Variants in FSTL4 observed in about 807,000 individuals in gnomAD.
FSTL4 encodes the protein follistatin like 4, also known as follistatin-related protein 4.
A neutral mutation model predicts 78.2 loss-of-function variants in FSTL4; 28 were observed. That is an observed-to-expected ratio of 0.36 (90% CI 0.27 to 0.49). The LOEUF is 0.49. Among genes scored for constraint, FSTL4 ranks in the 20% least tolerant of loss-of-function variants. The probability of loss-of-function intolerance (pLI) is 0.98; values close to 1 mark genes in which losing one functional copy is unlikely to be tolerated. For missense variants in FSTL4, 922 were observed against 1,084.9 expected (o/e 0.85, Z 2.11); for synonymous variants, 422 against 440.5 (o/e 0.96, Z 0.53).
At chr5:133,695,035 C>A in the FSTL4 span, among the ~76,000 whole-genome samples, 1 of 152,128 alleles carries the variant, frequency 6.6e-6, no homozygotes, top group African/African-American at 2.4e-5. Context: ...TGTGTTGTGG[C>A]ATCAGATGAG....
At chr5:133,415,421 T>G (rs926163813) in intron 3 of FSTL4, among the ~76,000 whole-genome samples, 1 of 152,268 alleles carries the variant, frequency 6.6e-6, no homozygotes, top group Non-Finnish European at 1.5e-5. Context: ...AATATTCTTC[T>G]GAGCAGGTCA....
chr5:133,250,952 A>G (rs749932225), intron 6 of FSTL4, among the ~76,000 whole-genome samples: 2 of 152,230 alleles, frequency 1.3e-5, no homozygotes, highest in Non-Finnish European at 2.9e-5. Flanking sequence ...TGGGGAGGGG[A>G]CAATCACACA....
At chr5:133,348,770 GA>G (rs1449441839) in intron 4 of FSTL4, among the ~76,000 whole-genome samples, 1 of 152,200 alleles carries the variant, frequency 6.6e-6, no homozygotes, top group African/African-American at 2.4e-5. Flanking sequence ...TTCCTCATCT[GA>G]AAAATGGGGA....
intron 6 of FSTL4, among the ~76,000 whole-genome samples, chr5:133,277,647 C>A (rs904598476): frequency 2.0e-5 from 3 of 152,200 alleles, no homozygotes; most frequent in Non-Finnish European, 2.9e-5. Context: ...CTGGGAGGAG[C>A]CTGCAGGAAG....
At chr5:133,378,566 C>T (rs887710430) in intron 4 of FSTL4, among the ~76,000 whole-genome samples, 7 of 152,080 alleles carry the variant, frequency 4.6e-5, no homozygotes, top group African/African-American at 1.2e-4. Flanking sequence ...AAATTTAAAA[C>T]ATGTATTATT....
intron 6 of FSTL4, among the ~76,000 whole-genome samples, chr5:133,311,611 C>T (rs1753786896): frequency 6.6e-6 from 1 of 152,182 alleles, no homozygotes; most frequent in Admixed American, 6.5e-5. Flanking sequence ...AGCAACAGCC[C>T]AAAGAGATGT....
Position 133,236,292 on chromosome 5 carries a change from C to A in FSTL4, c.895-2755G>T, listed in dbSNP as rs932510827. On this transcript the variant is annotated intron_variant, in intron 7 of 15. Coordinates refer to ENST00000265342, the MANE Select transcript of FSTL4 (RefSeq NM_015082.2). The surrounding 1 kb of genome is among the most constrained non-coding windows in gnomAD (Gnocchi z 5.0). ...TGAGATGGGCCCTGGGCTCTGAGGG[C>A]TGTCCCAAGGCCACTGTTCCCAGAT... 1.3e-5 allele frequency among the ~76,000 whole-genome samples: 2 copies of A among 151,980 alleles called. No individual in the cohort carries two copies. Among genetic ancestry groups the A allele is most frequent in the Non-Finnish European group, 2.9e-5 (2 of 67,910 alleles).
intron 3 of FSTL4, among the ~76,000 whole-genome samples, chr5:133,490,226 G>A (rs926088033): frequency 1.3e-5 from 2 of 151,864 alleles, no homozygotes; most frequent in African/African-American, 4.8e-5. Flanking sequence ...AGTACTAGTA[G>A]CTGTGTGGTG....
intron 7 of FSTL4, among the ~76,000 whole-genome samples, chr5:133,245,088 C>G (rs1000315726): frequency 6.7e-6 from 1 of 149,664 alleles, no homozygotes; most frequent in African/African-American, 2.5e-5. Context: ...CCACTGTGCT[C>G]CAGTCTGGGT....
intron 2 of FSTL4, among the ~76,000 whole-genome samples, chr5:133,571,068 G>A (rs1013548153): frequency 4.6e-5 from 7 of 151,752 alleles, no homozygotes; most frequent in Admixed American, 2.6e-4. Flanking sequence ...AAGGGCAAAA[G>A]GCTGAGAAAC....
chr5:133,552,986 A>G (rs925816460), intron 3 of FSTL4, among the ~76,000 whole-genome samples: 6 of 152,248 alleles, frequency 3.9e-5, no homozygotes, highest in Non-Finnish European at 2.9e-5. Context: ...TGTAGGGTTC[A>G]GGGCAAGCGA....
the FSTL4 span, among the ~76,000 whole-genome samples, chr5:133,713,601 G>A: frequency 6.6e-6 from 1 of 152,026 alleles, no homozygotes; most frequent in East Asian, 1.9e-4. Context: ...GCTTTTGGAG[G>A]ATCCTTCCAT....
At position 133,611,264 on chromosome 5, in the gene FSTL4, G is replaced by A. The variant is rs1446639192; in HGVS notation, c.-11+1061C>T. ...GCACTCCTAGTGCACTTGCCGCGCC[G>A]CGCGGAGGCTCGCCGCGCTCTGGAA... On this transcript the variant is annotated intron_variant, in intron 1 of 15. Transcript: ENST00000265342. This position sits in a 1 kb window ranked among gnomAD's most constrained non-coding sequence, Gnocchi z 4.9. 6.6e-6 allele frequency among the ~76,000 whole-genome samples: 1 copy of A among 152,108 alleles called. No homozygotes were observed. The highest frequency in any genetic ancestry group is 1.5e-5 in the Non-Finnish European group (1 of 68,012).
In FSTL4 at chr5:133,331,337, G is replaced by A. The variant is rs149668078; in HGVS notation, c.410-14685C>T. The stretch of plus-strand genomic sequence containing the variant: ...TCCTCTGTGTTGATCTTCAGCTTCT[G>A]AGCCAAGCCAAAGAGTCACTGGGTT... On this transcript the variant is annotated intron_variant, in intron 4 of 15. Coordinates refer to ENST00000265342, the MANE Select transcript of FSTL4 (RefSeq NM_015082.2). 1.7e-4 allele frequency among the ~76,000 whole-genome samples: 26 copies of A among 152,138 alleles called. No individual in the cohort carries two copies. The East Asian group carries it at 4.6e-3, about 27-fold the overall frequency.
the FSTL4 span, among the ~76,000 whole-genome samples, chr5:133,838,612 C>T: frequency 1.3e-5 from 2 of 151,968 alleles, no homozygotes; most frequent in Non-Finnish European, 2.9e-5. Context: ...TCCAGTGTCT[C>T]TAACTATCTT....
intron 3 of FSTL4, among the ~76,000 whole-genome samples, chr5:133,451,402 A>AC (rs971013222): frequency 1.3e-5 from 2 of 152,042 alleles, no homozygotes; most frequent in African/African-American, 4.8e-5. Flanking sequence ...CTCTACTAAA[A>AC]AAAAAAAAAT....
Position 133,400,725 on chromosome 5 carries a change from G to C in FSTL4, c.409+13C>G, listed in dbSNP as rs1198426096. 1 of 1,612,086 alleles carries C rather than the reference G, an allele frequency of 6.2e-7. No individual in the cohort carries two copies. Among genetic ancestry groups the C allele is most frequent in the Admixed American group, 1.7e-5 (1 of 60,008 alleles). On this transcript the variant is annotated intron_variant, in intron 4 of 15. Transcript: ENST00000265342. ...CAAAACCCAAAACCACAGGGCAAGG[G>C]CCCTGTTCCTACCTTTGAGGAAACA...
At chr5:133,541,927 G>C (rs867922363) in intron 3 of FSTL4, among the ~76,000 whole-genome samples, 4 of 148,232 alleles carry the variant, frequency 2.7e-5, no homozygotes, top group Non-Finnish European at 6.0e-5. Context: ...GAATGTTACA[G>C]ACACACACAC....
At chr5:133,699,455 T>C in the FSTL4 span, among the ~76,000 whole-genome samples, 1 of 151,956 alleles carries the variant, frequency 6.6e-6, no homozygotes, top group Non-Finnish European at 1.5e-5. Context: ...CAGCTAACCC[T>C]CACAACTGCT....
Sources: allele counts gnomAD v4.1 joint callset (sites outside exome capture counted in the v4.1 genomes callset), GRCh38; gene constraint gnomAD v4.1.1; non-coding constraint Gnocchi (gnomAD v3.1); transcripts MANE v1.5; gene names NCBI Gene and HGNC (gene_info 2026-07-23, HGNC 2026-07-21).